The following FAM124B variants were observed in gnomAD, a reference collection of about 807,000 sequenced individuals.
The protein encoded by FAM124B is protein FAM124B.
Under a neutral mutation model 19.7 loss-of-function variants are expected in FAM124B, and 18 were observed. That is an observed-to-expected ratio of 0.92 (90% CI 0.63 to 1.36). FAM124B has a LOEUF of 1.36. Among genes scored for constraint, FAM124B ranks in the 40% most tolerant of loss-of-function variants. The pLI is 0.00. For synonymous variants in FAM124B, 223 were observed against 225.2 expected, an observed-to-expected ratio of 0.99 and a Z score of 0.09; for missense variants, 540 against 553.3, an observed-to-expected ratio of 0.98 and a Z score of 0.24.
At chr2:224,388,423 C>T (rs1689831661) in intron 1 of FAM124B, among the ~76,000 whole-genome samples, 1 of 152,184 alleles carries the variant, frequency 6.6e-6, no homozygotes, top group South Asian at 2.1e-4. Flanking sequence ...ATAAATGCTA[C>T]AGCACTGATT....
chr2:224,392,649 A>G (rs1322878392), intron 1 of FAM124B, among the ~76,000 whole-genome samples: 1 of 151,934 alleles, frequency 6.6e-6, no homozygotes, highest in African/African-American at 2.4e-5. Flanking sequence ...CAGCTACTCC[A>G]GAGACTGAGG....
At chr2:224,383,215 T>C (rs1350057095) in intron 1 of FAM124B, among the ~76,000 whole-genome samples, 3 of 152,158 alleles carry the variant, frequency 2.0e-5, no homozygotes, top group Non-Finnish European at 4.4e-5. Context: ...CTGTCAGAGC[T>C]GATAAATCTC....
rs375234885 is a variant in FAM124B, at chr2:224,397,408, G to C, written c.732+3629C>G. Among the ~76,000 whole-genome samples, 27 of 152,224 alleles carry C rather than the reference G, an allele frequency of 1.8e-4. 1 individual carries two copies. In the South Asian group the frequency reaches 5.6e-3, roughly 32 times the overall value. On this transcript the variant is annotated intron_variant, in intron 1 of 1. Coordinates refer to ENST00000409685, the MANE Select transcript of FAM124B (RefSeq NM_001122779.2). The stretch of plus-strand genomic sequence containing the variant: ...TTCTTTTGTAAATTGCCCAGTCTCG[G>C]GTATGTCTTTATCAGCAGCGTGAAA...
intron 1 of FAM124B, among the ~76,000 whole-genome samples, chr2:224,397,037 T>TTCTTC (rs141798291): frequency 0.018 from 2,775 of 152,298 alleles, 76 homozygotes; most frequent in African/African-American, 0.063. Context: ...TTCTTTTCTT[T>TTCTTC]TCTTCTCTTC....
At chr2:224,392,481 A>G (rs774522671) in intron 1 of FAM124B, among the ~76,000 whole-genome samples, 9 of 152,124 alleles carry the variant, frequency 5.9e-5, no homozygotes, top group Non-Finnish European at 1.2e-4. Flanking sequence ...TAGGCCAGGC[A>G]TGGTGGCTCA....
intron 1 of FAM124B, among the ~76,000 whole-genome samples, chr2:224,396,554 G>T (rs143410666): frequency 2.0e-5 from 3 of 152,250 alleles, no homozygotes; most frequent in African/African-American, 7.2e-5. Context: ...TACTTTTGCT[G>T]AACATCAGCC....
intron 1 of FAM124B, among the ~76,000 whole-genome samples, chr2:224,393,242 G>A (rs537706636): frequency 5.3e-5 from 8 of 152,320 alleles, no homozygotes; most frequent in African/African-American, 1.7e-4. Context: ...CCCCAGGACT[G>A]CAAGAAGGAT....
At chr2:224,392,119 CA>C in intron 1 of FAM124B, among the ~76,000 whole-genome samples, 1 of 151,958 alleles carries the variant, frequency 6.6e-6, no homozygotes, top group Non-Finnish European at 1.5e-5. Context: ...TGATTGTTTC[CA>C]AAAATTGAAC....
intron 1 of FAM124B, chr2:224,400,265 G>T (rs1690042154): frequency 2.1e-6 from 1 of 475,552 alleles, no homozygotes; most frequent in Admixed American, 3.6e-5. Flanking sequence ...TAATAATAAA[G>T]AATAAAAATT....
chr2:224,382,867 T>TA (rs1222185844), intron 1 of FAM124B, among the ~76,000 whole-genome samples: 1 of 152,084 alleles, frequency 6.6e-6, no homozygotes, highest in Admixed American at 6.6e-5. Context: ...ACCACTATTC[T>TA]AGAATATCTA....
intron 1 of FAM124B, among the ~76,000 whole-genome samples, chr2:224,394,414 C>T (rs1420687559): frequency 6.6e-6 from 1 of 152,092 alleles, no homozygotes; most frequent in Non-Finnish European, 1.5e-5. Flanking sequence ...CCCTCCATGT[C>T]CAATTACTGC....
chr2:224,387,818 C>T (rs746180496), intron 1 of FAM124B, among the ~76,000 whole-genome samples: 1 of 152,138 alleles, frequency 6.6e-6, no homozygotes, highest in Non-Finnish European at 1.5e-5. Context: ...GAAAGGAGAA[C>T]ATGGAGCCCT....
In FAM124B at chr2:224,379,342, G is replaced by T. The variant is rs988096945; in HGVS notation, c.*231C>A. 18 of 560,840 alleles carry T rather than the reference G, an allele frequency of 3.2e-5. No homozygotes were observed. In the African/African-American group the frequency reaches 3.4e-4, roughly 11 times the overall value. 34.7% of individuals were successfully genotyped at this position (560,840 alleles called of 1,614,324 possible). On this transcript the variant is annotated 3_prime_UTR_variant, in exon 2 of 2. Transcript: ENST00000409685. Reference sequence around the variant, plus strand: ...CATCTCCACGGAACAAAAGCATTCGGTTTTTTTCCCTGTGTGTTGGCTGTG... The same window carrying T: ...CATCTCCACGGAACAAAAGCATTCGTTTTTTTTCCCTGTGTGTTGGCTGTG...
rs750028829 is a variant in FAM124B, at chr2:224,401,509, T to A, written c.260A>T (p.Asp87Val). ...PGEDRLFRVLDSLQHSPWQCY... is the reference protein window; with the variant it reads ...PGEDRLFRVLVSLQHSPWQCY... ...CTGCCATGGCGAATGCTGGAGAGAG[T>A]CCAGGACGCGAAATAGCCTATCCTC... Residue 87 changes from aspartate (D) to valine (V), a missense_variant, in exon 1 of 2, where the codon GAC (aspartate) becomes GTC (valine). Transcript: ENST00000409685. 9 of 1,613,388 alleles carry A rather than the reference T, an allele frequency of 5.6e-6. No homozygotes were observed. The highest frequency in any genetic ancestry group is 7.6e-6 in the Non-Finnish European group (9 of 1,179,838).
chr2:224,380,070 G>C lies in FAM124B; in HGVS notation c.871C>G (p.Gln291Glu), dbSNP rs1274699525. The change falls in exon 2 of 2, where the codon CAG (glutamine) becomes GAG (glutamate). Residue 291 changes from glutamine (Q) to glutamate (E), a missense_variant. Gln to Glu is a conservative substitution (Grantham distance 29). Transcript: ENST00000409685. Reference protein sequence around the residue: ...RSQRNQGKRSQGHSLELPEPS... With the variant: ...RSQRNQGKRSEGHSLELPEPS... ...TCAGGAAGCTCCAGAGAATGCCCCT[G>C]GGACCTCTTGCCCTGGTTCCTCTGG... The C allele has an allele frequency of 1.9e-6, 3 of 1,551,526 alleles. No homozygotes were observed. The highest frequency in any genetic ancestry group is 2.0e-5 in the Admixed American group (1 of 50,986).
chr2:224,380,020 G>C lies in FAM124B; in HGVS notation c.921C>G (p.Asp307Glu), dbSNP rs1018907466. The change falls in exon 2 of 2, where the codon GAC (aspartate) becomes GAG (glutamate). Residue 307 changes from aspartate to glutamate, a missense_variant. By Grantham distance (45) the Asp-to-Glu change is conservative. Transcript: ENST00000409685. Reference sequence around the variant, plus strand: ...TTTTCCACGAAGTGCCAGCACACCTGTCTGATGTGGGGCTCCCACTGGGCT... The same window carrying C: ...TTTTCCACGAAGTGCCAGCACACCTCTCTGATGTGGGGCTCCCACTGGGCT... ...LPEPSGSPTS[D>E]RCAGTSWKSP... 12 of 1,551,696 alleles carry C rather than the reference G, an allele frequency of 7.7e-6. No individual in the cohort carries two copies. Among genetic ancestry groups the C allele is most frequent in the Middle Eastern group, 1.7e-4 (1 of 5,978 alleles).
rs1328609428 is a variant in FAM124B, at chr2:224,380,287, C to A, written c.733-79G>T. 3 of 1,296,750 alleles carry A rather than the reference C, an allele frequency of 2.3e-6. No individual in the cohort carries two copies. In the South Asian group the frequency reaches 4.6e-5, roughly 20 times the overall value. The allele number at this position is 1,296,750 out of a possible 1,614,324, so 80.3% of individuals were successfully genotyped here. A position where few individuals can be genotyped will look rare whatever the true frequency, so the allele number is the denominator to read the frequency against. On this transcript the variant is annotated intron_variant, in intron 1 of 1. Coordinates refer to ENST00000409685, the MANE Select transcript of FAM124B (RefSeq NM_001122779.2). ...CCAAGAGCTGACTATGCCTTATTCA[C>A]CCTCTGCCATGCCATGCCCATAGCA...
intron 1 of FAM124B, among the ~76,000 whole-genome samples, chr2:224,393,119 A>G (rs1447542728): frequency 1.2e-4 from 18 of 152,234 alleles, no homozygotes; most frequent in Non-Finnish European, 4.4e-5. Context: ...CATTGAGAGC[A>G]TATGTGTGAA....
In FAM124B at chr2:224,401,339, A is replaced by C. The variant is rs758001941; in HGVS notation, c.430T>G (p.Cys144Gly). ...GCGTCTTCATAGTTATCAAAACTGC[A>C]GTACAGCGTCACCCTCAGGATCTCG... ...GSEILRVTLY[C>G]SFDNYEDAIR... The change falls in exon 1 of 2, where the codon TGC becomes GGC. Residue 144 changes from cysteine to glycine, a missense_variant. Physicochemically the swap from Cys to Gly is radical, Grantham distance 159. Coordinates refer to ENST00000409685, the MANE Select transcript of FAM124B (RefSeq NM_001122779.2). 1.9e-5 allele frequency: 31 copies of C among 1,613,938 alleles called. No homozygotes were observed. Among genetic ancestry groups the C allele is most frequent in the Non-Finnish European group, 2.5e-5 (29 of 1,180,032 alleles).
Sources: allele counts gnomAD v4.1 joint callset (sites outside exome capture counted in the v4.1 genomes callset), GRCh38; gene constraint gnomAD v4.1.1; transcripts MANE v1.5; gene names NCBI Gene and HGNC (gene_info 2026-07-23, HGNC 2026-07-21).